The following PAFAH1B1 variants were observed in gnomAD, a reference collection of about 807,000 sequenced individuals.
PAFAH1B1 encodes the protein platelet-activating factor acetylhydrolase IB subunit beta.
PAFAH1B1 carries 2 observed loss-of-function variants against 57.5 expected under a neutral mutation model. The ratio of observed to expected loss-of-function variants is 0.03; its 90% CI spans 0.01 to 0.11. PAFAH1B1 has a LOEUF of 0.11. Among genes scored for constraint, PAFAH1B1 ranks in the 10% least tolerant of loss-of-function variants. The probability of loss-of-function intolerance (pLI) is 1.00; values close to 1 mark genes in which losing one functional copy is unlikely to be tolerated. For synonymous variants in PAFAH1B1, 152 were observed against 169.6 expected (o/e 0.90, Z 0.81); for missense variants, 257 against 512.0 (o/e 0.50, Z 4.81).
chr17:2,668,276 A>G (rs138562138), intron 5 of PAFAH1B1, among the ~76,000 whole-genome samples: 2,080 of 152,284 alleles, frequency 0.014, 37 homozygotes, highest in Non-Finnish European at 0.018. Context: ...GTTAGCCAAG[A>G]TCGCTCCACT....
intron 1 of PAFAH1B1, among the ~76,000 whole-genome samples, chr17:2,626,553 T>TCCCCCCCTCCC (rs2068493571): frequency 3.1e-5 from 1 of 32,700 alleles, no homozygotes; most frequent in Non-Finnish European, 6.4e-5. Context: ...TCACCTTTCT[T>TCCCCCCCTCCC]CCCCCCCCCC....
At position 2,642,579 on chromosome 17, in the gene PAFAH1B1, T is replaced by TTGA. The variant is rs2068710465; in HGVS notation, c.32+4260_32+4261insGAT. On this transcript the variant is annotated intron_variant, in intron 2 of 10. Coordinates refer to ENST00000397195, the MANE Select transcript of PAFAH1B1 (RefSeq NM_000430.4). ...GAAAAAATGTCGAAATCTGAAATAC[T>TTGA]TCTGATCCCAAGCATTTCAGATAAG... Among the ~76,000 whole-genome samples the TTGA allele has an allele frequency of 2.6e-5, 4 of 152,324 alleles. No homozygotes were observed. In the South Asian group the frequency reaches 6.2e-4, roughly 24 times the overall value.
intron 3 of PAFAH1B1, 21 bp downstream of exon 3, chr17:2,665,477 T>C: frequency 7.4e-7 from 1 of 1,346,442 alleles, no homozygotes; most frequent in East Asian, 2.3e-5. Flanking sequence ...CTTTTTACAA[T>C]TCAAAGTATA....
chr17:2,625,357 T>A (rs548536785), intron 1 of PAFAH1B1, among the ~76,000 whole-genome samples: 1 of 152,214 alleles, frequency 6.6e-6, no homozygotes, highest in Non-Finnish European at 1.5e-5. Flanking sequence ...ATATTAAATC[T>A]TCTTATTCGT....
chr17:2,626,562 C>CCG (rs2068494634), intron 1 of PAFAH1B1, among the ~76,000 whole-genome samples: 1 of 54,522 alleles, frequency 1.8e-5, no homozygotes, highest in Non-Finnish European at 5.0e-5. Context: ...TTCCCCCCCC[C>CCG]CCCCCCCCCG....
intron 2 of PAFAH1B1, among the ~76,000 whole-genome samples, chr17:2,645,139 C>T (rs1264873485): frequency 6.6e-6 from 1 of 152,104 alleles, no homozygotes; most frequent in Non-Finnish European, 1.5e-5. Context: ...CCCGGCTACT[C>T]AGCTGGCTGA....
At chr17:2,633,806 T>C (rs960676026) in intron 1 of PAFAH1B1, among the ~76,000 whole-genome samples, 12 of 152,096 alleles carry the variant, frequency 7.9e-5, no homozygotes, top group Non-Finnish European at 1.0e-4. Context: ...TTTTGAGACA[T>C]ACTCTCTCCT....
At chr17:2,653,249 A>G (rs2068890386) in intron 2 of PAFAH1B1, among the ~76,000 whole-genome samples, 1 of 152,148 alleles carries the variant, frequency 6.6e-6, no homozygotes, top group South Asian at 2.1e-4. Context: ...GAAGGGGAAC[A>G]TCACACACCA....
intron 2 of PAFAH1B1, among the ~76,000 whole-genome samples, chr17:2,654,600 C>CT (rs1343206859): frequency 6.6e-6 from 1 of 152,094 alleles, no homozygotes; most frequent in Admixed American, 6.6e-5. Flanking sequence ...AAAAGGCCCT[C>CT]TGAGTCTTCA....
chr17:2,594,231 C>T (rs1159673333), intron 1 of PAFAH1B1, among the ~76,000 whole-genome samples: 1 of 152,110 alleles, frequency 6.6e-6, no homozygotes, highest in African/African-American at 2.4e-5. Flanking sequence ...GGGGACTGTC[C>T]GGGGAGGGCG....
At chr17:2,671,569 A>AT (rs35904559) in intron 6 of PAFAH1B1, among the ~76,000 whole-genome samples, 2,820 of 135,660 alleles carry the variant, frequency 0.021, 128 homozygotes, top group African/African-American at 0.076. Flanking sequence ...TTTCTAATGC[A>AT]TTTTTTTTTT....
chr17:2,641,723 G>A (rs1043612090), intron 2 of PAFAH1B1: 1 of 152,088 alleles, frequency 6.6e-6, no homozygotes, highest in Non-Finnish European at 1.5e-5. Context: ...GTTCTTCTTA[G>A]TGGCGCATGA....
At chr17:2,597,876 A>G (rs2068102035) in intron 1 of PAFAH1B1, among the ~76,000 whole-genome samples, 1 of 152,028 alleles carries the variant, frequency 6.6e-6, no homozygotes, top group African/African-American at 2.4e-5. Context: ...CCTCTTGTTT[A>G]CATGTGGTTC....
intron 1 of PAFAH1B1, among the ~76,000 whole-genome samples, chr17:2,622,109 G>T (rs889114951): frequency 6.6e-6 from 1 of 152,134 alleles, no homozygotes; most frequent in Non-Finnish European, 1.5e-5. Flanking sequence ...CCTGCAACAC[G>T]TGGGAATTCT....
chr17:2,682,069 G>C lies in PAFAH1B1; in HGVS notation c.*267G>C, dbSNP rs2069392270. The C allele has an allele frequency of 2.6e-6, 1 of 380,580 alleles. No homozygotes were observed. The highest frequency in any genetic ancestry group is 4.8e-6 in the Non-Finnish European group (1 of 210,424). 23.6% of individuals were successfully genotyped at this position (380,580 alleles called of 1,614,324 possible). On this transcript the variant is annotated 3_prime_UTR_variant, in exon 11 of 11. Coordinates refer to ENST00000397195, the MANE Select transcript of PAFAH1B1 (RefSeq NM_000430.4). The stretch of plus-strand genomic sequence containing the variant: ...TGGTCACACCAGGCCTAAGAAGGCA[G>C]AAGTTGAATCAATTGAACTAGGGCA...
At chr17:2,631,142 G>T (rs1456709611) in intron 1 of PAFAH1B1, among the ~76,000 whole-genome samples, 1 of 152,050 alleles carries the variant, frequency 6.6e-6, no homozygotes, top group Admixed American at 6.6e-5. Flanking sequence ...TCAGGAGGCT[G>T]AGGCAGGGGA....
At chr17:2,650,162 G>A (rs1567546258) in intron 2 of PAFAH1B1, among the ~76,000 whole-genome samples, 1 of 152,116 alleles carries the variant, frequency 6.6e-6, no homozygotes, top group Non-Finnish European at 1.5e-5. Flanking sequence ...AGGAGTTTGA[G>A]ATCGGCCTGG....
intron 1 of PAFAH1B1, among the ~76,000 whole-genome samples, chr17:2,633,175 CT>C (rs1235067252): frequency 0.029 from 4,184 of 142,530 alleles, 189 homozygotes; most frequent in African/African-American, 0.097. Flanking sequence ...TCTTTCTTTT[CT>C]TTTTTTTTTT....
rs1567554200 is a variant in PAFAH1B1, at chr17:2,664,694, T to TCTCTCTCTC, written c.33-678_33-677insCTCTCTCTC. ...TCTCTCTCTCTCTCTCTCTCTCTCT[T>TCTCTCTCTC]TCTCTCTCCATCTATAAAGCCCAAA... On this transcript the variant is annotated intron_variant, in intron 2 of 10. Transcript: ENST00000397195. Among the ~76,000 whole-genome samples the TCTCTCTCTC allele has an allele frequency of 2.6e-3, 299 of 114,528 alleles. 5 individuals are homozygous for TCTCTCTCTC. The highest frequency in any genetic ancestry group is 0.015 in the South Asian group (52 of 3,526). The allele number at this position is 114,528 out of a possible 152,430, so 75.1% of individuals were successfully genotyped here. A position where few individuals can be genotyped will look rare whatever the true frequency, so the allele number is the denominator to read the frequency against.
Sources: allele counts gnomAD v4.1 joint callset (sites outside exome capture counted in the v4.1 genomes callset), GRCh38; gene constraint gnomAD v4.1.1; transcripts MANE v1.5; gene names NCBI Gene and HGNC (gene_info 2026-07-23, HGNC 2026-07-21).